CCNQ: variants seen among roughly 807,000 people sequenced by gnomAD.
CCNQ encodes cyclin-Q.
In CCNQ, 3 loss-of-function variants were observed where a neutral mutation model predicts 17.7. The ratio of observed to expected loss-of-function variants is 0.17; its 90% CI spans 0.08 to 0.44. The LOEUF (loss-of-function observed/expected upper bound fraction) is 0.44, where lower values mean the gene tolerates loss of function less well. CCNQ is among the 20% of genes least tolerant of loss of function. The pLI, the probability that CCNQ is intolerant of heterozygous loss-of-function variation, is 0.99. For synonymous variants in CCNQ, 73 were observed against 96.0 expected, an observed-to-expected ratio of 0.76 and a Z score of 1.40; for missense variants, 146 against 222.6, an observed-to-expected ratio of 0.66 and a Z score of 2.19.
At chrX:153,594,916 G>C (rs1557026683) in intron 2 of CCNQ, among the ~76,000 whole-genome samples, 1 of 112,184 alleles carries the variant, frequency 8.9e-6, no homozygotes, top group African/African-American at 3.2e-5. Context: ...TAGCCAGATG[G>C]GCTGTCCGCT....
Position 153,596,105 on chromosome X carries a change from G to A in CCNQ, c.195C>T (p.Asp65=), listed in dbSNP as rs139660436. ...TGGCAATCAGGTAAGGGTCATAGGCGTCCAGGTTGGTCTCGCAAAAGAACT... is the reference window on the plus strand; with the variant it reads ...TGGCAATCAGGTAAGGGTCATAGGCATCCAGGTTGGTCTCGCAAAAGAACT... ...YHKFFCETNL[D]AYDPYLIAMS... is the part of the protein sequence containing the mutation. The change falls in exon 2 of 5, where the codon GAC becomes GAT. Residue 65 remains aspartate, a synonymous_variant. Coordinates refer to ENST00000576892, the MANE Select transcript of CCNQ (RefSeq NM_152274.5). 2.3e-5 allele frequency: 28 copies of A among 1,210,794 alleles called. No individual in the cohort carries two copies. The African/African-American group carries it at 2.4e-4, about 11-fold the overall frequency.
chrX:153,597,841 T>C (rs1050265389), intron 1 of CCNQ: 5 of 111,455 alleles, frequency 4.5e-5, no homozygotes, highest in Non-Finnish European at 7.5e-5. Flanking sequence ...GTTACTGACA[T>C]GACCTTCCAA....
chrX:153,592,553 C>T lies in CCNQ; in HGVS notation c.610G>A (p.Gly204Arg). 1.6e-6 allele frequency: 2 copies of T among 1,212,193 alleles called. No homozygotes were observed. The highest frequency in any genetic ancestry group is 2.2e-6 in the Non-Finnish European group (2 of 895,565). ...AVLYLALQVYGVEVPAEVEAE... is the reference protein window; with the variant it reads ...AVLYLALQVYRVEVPAEVEAE... ...TCGACCTCGGCGGGCACCTCAACTCCGTAGACCTGCAGGGCCAGGTAGAGC... is the reference window on the plus strand; with the variant it reads ...TCGACCTCGGCGGGCACCTCAACTCTGTAGACCTGCAGGGCCAGGTAGAGC... Residue 204 changes from glycine to arginine, a missense_variant, in exon 4 of 5, where the codon GGA becomes AGA. Coordinates refer to ENST00000576892, the MANE Select transcript of CCNQ (RefSeq NM_152274.5).
At chrX:153,591,602 C>T (rs1321158053) in intron 4 of CCNQ, among the ~76,000 whole-genome samples, 4 of 111,292 alleles carry the variant, frequency 3.6e-5, no homozygotes, top group Non-Finnish European at 7.6e-5. Flanking sequence ...GGGTGTTTGC[C>T]CCCCCCAGAG....
intron 1 of CCNQ, 112 bp downstream of exon 1, chrX:153,598,850 T>C (rs944027386): frequency 1.3e-5 from 7 of 519,380 alleles, no homozygotes; most frequent in Non-Finnish European, 1.9e-5. Context: ...CGAGCAGGGC[T>C]TCCCGGCCTC....
intron 1 of CCNQ, among the ~76,000 whole-genome samples, chrX:153,598,482 C>T (rs1396709064): frequency 8.9e-6 from 1 of 112,816 alleles, no homozygotes; most frequent in Non-Finnish European, 1.9e-5. Context: ...TTAGCTTAAT[C>T]ACCTCGCCTG....
chrX:153,594,786 A>G, intron 2 of CCNQ, 107 bp from the exon 3 acceptor site: 1 of 866,817 alleles, frequency 1.2e-6, no homozygotes. Flanking sequence ...TACATCGTCC[A>G]TCTGCAGATT....
chrX:153,591,581 A>C (rs1249286149), intron 4 of CCNQ, among the ~76,000 whole-genome samples: 1 of 111,106 alleles, frequency 9.0e-6, no homozygotes, highest in African/African-American at 3.3e-5. Context: ...CACCCACCAG[A>C]TGTCCCCAGA....
chrX:153,591,212 G>A (rs1186245638), intron 4 of CCNQ, among the ~76,000 whole-genome samples: 1 of 112,149 alleles, frequency 8.9e-6, no homozygotes, highest in Non-Finnish European at 1.9e-5. Flanking sequence ...CAGCCCACAG[G>A]AGGCACCTGG....
intron 1 of CCNQ, among the ~76,000 whole-genome samples, chrX:153,596,909 T>C (rs1415985179): frequency 8.9e-6 from 1 of 112,291 alleles, no homozygotes; most frequent in Non-Finnish European, 1.9e-5. Flanking sequence ...GCAGAAGGAT[T>C]GCTTGAGCCC....
At chrX:153,597,196 C>G (rs1325181308) in intron 1 of CCNQ, among the ~76,000 whole-genome samples, 1 of 111,767 alleles carries the variant, frequency 8.9e-6, no homozygotes, top group African/African-American at 3.3e-5. Context: ...GAAGAACAAC[C>G]GACAATCAAC....
chrX:153,589,428 C>T (rs1010627525), intron 4 of CCNQ, among the ~76,000 whole-genome samples: 1 of 113,230 alleles, frequency 8.8e-6, no homozygotes, highest in Non-Finnish European at 1.9e-5. Flanking sequence ...CCGCCCTGTG[C>T]GCCCTGAGCC....
intron 4 of CCNQ, among the ~76,000 whole-genome samples, chrX:153,589,039 A>G (rs1308639741): frequency 8.8e-6 from 1 of 113,082 alleles, no homozygotes; most frequent in Non-Finnish European, 1.9e-5. Flanking sequence ...TTCCAAAGGC[A>G]GGTCTGGCCT....
rs782177465 is a variant in CCNQ, at chrX:153,587,929, C to T, written c.*436G>A. On this transcript the variant is annotated 3_prime_UTR_variant, in exon 5 of 5. Transcript: ENST00000576892. Reference sequence around the variant, plus strand: ...GAGCAAAGCCAAGGGTCCCTATTGACTTGTATCACCTTTTATTACACAAAA... The same window carrying T: ...GAGCAAAGCCAAGGGTCCCTATTGATTTGTATCACCTTTTATTACACAAAA... 3.1e-5 allele frequency: 8 copies of T among 260,575 alleles called. No homozygotes were observed. Among genetic ancestry groups the T allele is most frequent in the Non-Finnish European group, 5.0e-5 (7 of 141,392 alleles). 21.5% of individuals were successfully genotyped at this position (260,575 alleles called of 1,213,427 possible). A position where few individuals can be genotyped will look rare whatever the true frequency, so the allele number is the denominator to read the frequency against.
At chrX:153,589,317 G>A (rs1040209167) in intron 4 of CCNQ, among the ~76,000 whole-genome samples, 12 of 112,937 alleles carry the variant, frequency 1.1e-4, no homozygotes, top group South Asian at 3.6e-4. Flanking sequence ...TTGTGACTCC[G>A]TGCTCGCTGT....
rs1400512637 is a variant in CCNQ, at chrX:153,596,169, C to A, written c.131G>T (p.Arg44Leu). 2 of 1,210,620 alleles carry A rather than the reference C, an allele frequency of 1.7e-6. No individual in the cohort carries two copies. Among genetic ancestry groups the A allele is most frequent in the Non-Finnish European group, 2.2e-6 (2 of 895,330 alleles). ...GCAAGCAGTGGCAATGGGAATGGAC[C>A]GCATCCCTAGCTTGACACCTGCGGA... is the stretch of plus-strand genomic sequence containing the variant. ...IMEAGVKLGM[R>L]SIPIATACTI... Residue 44 changes from arginine to leucine, a missense_variant, in exon 2 of 5, where the codon CGG becomes CTG. Coordinates refer to ENST00000576892, the MANE Select transcript of CCNQ (RefSeq NM_152274.5).
chrX:153,595,876 T>C, intron 2 of CCNQ, 128 bp downstream of exon 2: 1 of 810,467 alleles, frequency 1.2e-6, no homozygotes, highest in Admixed American at 2.2e-5. Context: ...CCCTGCCTGG[T>C]TCAAGGCCAT....
At chrX:153,590,405 A>C (rs1180650551) in intron 4 of CCNQ, among the ~76,000 whole-genome samples, 3 of 110,744 alleles carry the variant, frequency 2.7e-5, no homozygotes, top group Non-Finnish European at 5.7e-5. Context: ...TCAGCAAAAG[A>C]AGCCAGTCAC....
chrX:153,591,631 G>GCAGC (rs1557025817), intron 4 of CCNQ, among the ~76,000 whole-genome samples: 1 of 111,257 alleles, frequency 9.0e-6, no homozygotes, highest in African/African-American at 3.3e-5. Flanking sequence ...TGAGCACGAG[G>GCAGC]CAGCCACATT....
Sources: allele counts gnomAD v4.1 joint callset (sites outside exome capture counted in the v4.1 genomes callset), GRCh38; gene constraint gnomAD v4.1.1; transcripts MANE v1.5; gene names NCBI Gene and HGNC (gene_info 2026-07-23, HGNC 2026-07-21).